Variants in ALK observed in about 807,000 individuals in gnomAD.
The protein encoded by ALK is ALK tyrosine kinase receptor.
Under a neutral mutation model 163.1 loss-of-function variants are expected in ALK, and 74 were observed. The ratio of observed to expected loss-of-function variants is 0.45; its 90% CI spans 0.38 to 0.55. The LOEUF (loss-of-function observed/expected upper bound fraction) is 0.55. ALK is among the 20% of genes least tolerant of loss of function. ALK has a pLI of 0.00. For missense variants in ALK, 2,063 were observed against 2,105.3 expected (o/e 0.98, Z 0.39); for synonymous variants, 960 against 843.2 (o/e 1.14, Z -2.40).
intron 4 of ALK, among the ~76,000 whole-genome samples, chr2:29,450,154 C>T (rs966432961): frequency 2.0e-5 from 3 of 152,200 alleles, no homozygotes; most frequent in African/African-American, 7.2e-5. Flanking sequence ...CCTTCACCTA[C>T]CTTTACCTAC....
intron 1 of ALK, among the ~76,000 whole-genome samples, chr2:29,893,807 T>C (rs1471711567): frequency 6.6e-6 from 1 of 152,126 alleles, no homozygotes; most frequent in African/African-American, 2.4e-5. Context: ...GTTTCTTCTA[T>C]GGGGAAAAGC....
chr2:29,732,063 C>G (rs940440840), intron 1 of ALK, among the ~76,000 whole-genome samples: 1 of 152,218 alleles, frequency 6.6e-6, no homozygotes, highest in East Asian at 1.9e-4. Flanking sequence ...GAATCCTCAT[C>G]TTCAAGAATA....
At chr2:29,614,176 C>T (rs1055811594) in intron 3 of ALK, among the ~76,000 whole-genome samples, 5 of 152,122 alleles carry the variant, frequency 3.3e-5, no homozygotes, top group South Asian at 2.1e-4. Flanking sequence ...TGCCTGCTGA[C>T]GAGGGCTGCC....
At chr2:29,843,672 T>G (rs569556059) in intron 1 of ALK, among the ~76,000 whole-genome samples, 2 of 152,278 alleles carry the variant, frequency 1.3e-5, no homozygotes, top group African/African-American at 4.8e-5. Flanking sequence ...ATTGATTTAC[T>G]TAAAGGACAA....
chr2:29,301,380 G>A (rs951106268), intron 8 of ALK, among the ~76,000 whole-genome samples: 2 of 152,252 alleles, frequency 1.3e-5, no homozygotes, highest in South Asian at 4.2e-4. Context: ...TTCCTTCAAG[G>A]CAGGGACTGT....
chr2:29,196,890 A>C, intron 27 of ALK, 30 bp from the exon 28 acceptor site: 6 of 1,531,912 alleles, frequency 3.9e-6, no homozygotes, highest in Non-Finnish European at 5.4e-6. Context: ...AATTAAAATA[A>C]GGAGAAGCAC....
chr2:29,692,913 C>A (rs1344873353), intron 3 of ALK, among the ~76,000 whole-genome samples: 1 of 152,144 alleles, frequency 6.6e-6, no homozygotes, highest in Non-Finnish European at 1.5e-5. Context: ...GTACCAAAAG[C>A]AAATGAATCA....
chr2:29,596,149 T>C (rs1269693564), intron 3 of ALK, among the ~76,000 whole-genome samples: 1 of 152,220 alleles, frequency 6.6e-6, no homozygotes, highest in African/African-American at 2.4e-5. Flanking sequence ...GACTTACCTC[T>C]CACCTCTGAT....
At chr2:29,319,692 C>T (rs1336816095) in intron 7 of ALK, among the ~76,000 whole-genome samples, 5 of 152,174 alleles carry the variant, frequency 3.3e-5, no homozygotes, top group African/African-American at 9.7e-5. Flanking sequence ...GGCGGTATTC[C>T]GCAGGGCTGG....
intron 6 of ALK, 106 bp downstream of exon 6, chr2:29,328,244 G>C: frequency 2.0e-6 from 3 of 1,521,314 alleles, no homozygotes; most frequent in South Asian, 1.2e-5. Flanking sequence ...AAGTGTCAGT[G>C]GATATCAGGA....
chr2:29,630,054 G>C (rs1327430217), intron 3 of ALK, among the ~76,000 whole-genome samples: 1 of 152,140 alleles, frequency 6.6e-6, no homozygotes, highest in East Asian at 1.9e-4. Flanking sequence ...TTTCATGTCA[G>C]TTGCCTTTCT....
At chr2:29,492,966 C>T (rs754683792) in intron 4 of ALK, among the ~76,000 whole-genome samples, 32 of 152,140 alleles carry the variant, frequency 2.1e-4, no homozygotes, top group Admixed American at 1.8e-3. Context: ...AGCAGACAAA[C>T]CAATCTCGTT....
chr2:29,452,180 T>G (rs1478367727), intron 4 of ALK, among the ~76,000 whole-genome samples: 1 of 152,150 alleles, frequency 6.6e-6, no homozygotes, highest in Non-Finnish European at 1.5e-5. Context: ...CCTCCTTGTC[T>G]TCTACACTTG....
At chr2:29,194,665 C>T (rs990286987) in intron 28 of ALK, among the ~76,000 whole-genome samples, 1 of 127,750 alleles carries the variant, frequency 7.8e-6, no homozygotes, top group African/African-American at 2.8e-5. Context: ...CCCCCCCACC[C>T]CCCCACCCCC....
At chr2:29,348,718 G>C (rs1668023902) in intron 5 of ALK, among the ~76,000 whole-genome samples, 1 of 152,246 alleles carries the variant, frequency 6.6e-6, no homozygotes, top group Non-Finnish European at 1.5e-5. Flanking sequence ...GATGAAGTCA[G>C]TTTGGTTCTT....
chr2:29,239,690 G>T lies in ALK; in HGVS notation c.2345C>A (p.Ala782Asp). The T allele has an allele frequency of 6.2e-7, 1 of 1,613,908 alleles. No homozygotes were observed. ...GCTCTGGGCACTTACACTGGGGCAG[G>T]CGTCCTCTCCCTGCTGCCCAACCAG... ...YILVGQQGEDACPSTNQLIQK... is the reference protein window; with the variant it reads ...YILVGQQGEDDCPSTNQLIQK... The change falls in exon 13 of 29, where the codon GCC becomes GAC. Residue 782 changes from alanine (A) to aspartate (D), a missense_variant. Ala to Asp is a moderately radical substitution (Grantham distance 126). Around this residue, in one of 5 missense-constraint regions of ALK, gnomAD observed 575 missense variants for 626.6 expected, o/e 0.92. Transcript: ENST00000389048.
In ALK at chr2:29,235,791, C is replaced by T. The variant is rs1019656435; in HGVS notation, c.2356-2095G>A. Among the ~76,000 whole-genome samples the T allele has an allele frequency of 4.9e-5, 7 of 141,768 alleles. No individual in the cohort carries two copies. In the East Asian group the frequency reaches 1.6e-3, roughly 32 times the overall value. The allele number at this position is 141,768 out of a possible 152,430, so 93.0% of individuals were successfully genotyped here. ...CACTGTAGCCACGAACTCCTGGGCT[C>T]AAGTAATCATCCTGCCTTAGTCTCC... On this transcript the variant is annotated intron_variant, in intron 13 of 28. Coordinates refer to ENST00000389048, the MANE Select transcript of ALK (RefSeq NM_004304.5).
chr2:29,513,301 A>G (rs1453140305), intron 4 of ALK, among the ~76,000 whole-genome samples: 2 of 138,986 alleles, frequency 1.4e-5, no homozygotes, highest in African/African-American at 5.6e-5. Context: ...CAAAACAGAG[A>G]TATAGATCAA....
At chr2:29,627,202 T>C (rs532725047) in intron 3 of ALK, among the ~76,000 whole-genome samples, 19 of 152,166 alleles carry the variant, frequency 1.2e-4, no homozygotes, top group Non-Finnish European at 2.4e-4. Flanking sequence ...CACGGTTCTG[T>C]TTTGTAAAAG....
Sources: allele counts gnomAD v4.1 joint callset (sites outside exome capture counted in the v4.1 genomes callset), GRCh38; gene constraint gnomAD v4.1.1; regional missense constraint gnomAD v4.1.1; transcripts MANE v1.5; gene names NCBI Gene and HGNC (gene_info 2026-07-23, HGNC 2026-07-21).